RSRC1: variants seen among roughly 807,000 people sequenced by gnomAD.
RSRC1 encodes serine/Arginine-related protein 53.
RSRC1 carries 39 observed loss-of-function variants against 49.1 expected under a neutral mutation model. The observed-to-expected ratio is 0.79, with a 90% CI of 0.61 to 1.04. RSRC1 has a LOEUF of 1.04. Among genes scored for constraint, RSRC1 ranks in the 50% least tolerant of loss-of-function variants. The probability of loss-of-function intolerance (pLI) is 0.00; values close to 1 mark genes in which losing one functional copy is unlikely to be tolerated. For missense variants in RSRC1, 388 were observed against 402.4 expected, an observed-to-expected ratio of 0.96 and a Z score of 0.31; for synonymous variants, 143 against 130.8, an observed-to-expected ratio of 1.09 and a Z score of -0.63.
intron 3 of RSRC1, among the ~76,000 whole-genome samples, chr3:158,137,839 A>G (rs1310689745): frequency 6.6e-6 from 1 of 151,868 alleles, no homozygotes; most frequent in African/African-American, 2.4e-5. Context: ...TTTTTAGTAG[A>G]GACAGGGTTT....
intron 1 of RSRC1, 135 bp downstream of exon 1, chr3:158,110,358 G>C (rs113942276): frequency 0.013 from 1,959 of 152,636 alleles, 38 homozygotes; most frequent in African/African-American, 0.045. Context: ...TGCGGCCTCG[G>C]GGCGTGCGCA....
chr3:158,411,389 A>G (rs372762346), intron 6 of RSRC1, among the ~76,000 whole-genome samples: 7 of 152,250 alleles, frequency 4.6e-5, no homozygotes, highest in African/African-American at 1.7e-4. Context: ...TCCAAAGTGG[A>G]TATACGAATT....
At position 158,457,383 on chromosome 3, in the gene RSRC1, TG is replaced by T. The variant is rs770143395; in HGVS notation, c.584-3551del. Among the ~76,000 whole-genome samples the T allele has an allele frequency of 7.8e-4, 119 of 152,262 alleles. 1 individual carries two copies. The highest frequency in any genetic ancestry group is 4.3e-4 in the Non-Finnish European group (29 of 68,004). ...TCAATCTGAGAGATTAGTTGGCTGG[TG>T]AAAATAGGACATACTAAGGGAAGAG... is the stretch of plus-strand genomic sequence containing the variant. On this transcript the variant is annotated intron_variant, in intron 6 of 9. Coordinates refer to ENST00000611884, the MANE Select transcript of RSRC1 (RefSeq NM_001271838.2).
At chr3:158,265,804 C>T (rs1196667422) in intron 4 of RSRC1, among the ~76,000 whole-genome samples, 1 of 152,124 alleles carries the variant, frequency 6.6e-6, no homozygotes. Flanking sequence ...ACCTCAAGGT[C>T]ACGAAGATTT....
At chr3:158,491,987 G>A (rs1739103123) in intron 7 of RSRC1, among the ~76,000 whole-genome samples, 1 of 152,126 alleles carries the variant, frequency 6.6e-6, no homozygotes, top group Non-Finnish European at 1.5e-5. Context: ...CCTGAGACTA[G>A]GTAATTAATA....
At chr3:158,398,247 A>G (rs1410190526) in intron 6 of RSRC1, among the ~76,000 whole-genome samples, 1 of 152,100 alleles carries the variant, frequency 6.6e-6, no homozygotes, top group Non-Finnish European at 1.5e-5. Context: ...AGACTGGGTA[A>G]TTTCTAAAGA....
At chr3:158,425,167 A>G (rs1735337509) in intron 6 of RSRC1, among the ~76,000 whole-genome samples, 1 of 151,236 alleles carries the variant, frequency 6.6e-6, no homozygotes, top group African/African-American at 2.4e-5. Context: ...TTTAATTGTG[A>G]TGTTAGGGTG....
At chr3:158,127,402 G>A (rs4622858) in intron 3 of RSRC1, among the ~76,000 whole-genome samples, 107,957 of 151,646 alleles carry the variant, frequency 0.71, 39,134 homozygotes, top group African/African-American at 0.83. Flanking sequence ...CAATAATTTT[G>A]AATTGACCTT....
chr3:158,339,388 A>G (rs1730106007), intron 5 of RSRC1, among the ~76,000 whole-genome samples: 2 of 152,056 alleles, frequency 1.3e-5, no homozygotes, highest in South Asian at 4.1e-4. Context: ...GTTGTCTGGG[A>G]AAGATATGGC....
intron 7 of RSRC1, among the ~76,000 whole-genome samples, chr3:158,533,991 T>C (rs1286779188): frequency 6.6e-6 from 1 of 151,686 alleles, no homozygotes; most frequent in Non-Finnish European, 1.5e-5. Flanking sequence ...GTATAAAGCA[T>C]GTGGGACTAT....
intron 3 of RSRC1, among the ~76,000 whole-genome samples, chr3:158,177,344 T>A (rs1719286715): frequency 6.6e-6 from 1 of 152,206 alleles, no homozygotes; most frequent in South Asian, 2.1e-4. Context: ...CATGCACACA[T>A]ATGTTTATTC....
chr3:158,531,217 G>T (rs1392026877), intron 7 of RSRC1, among the ~76,000 whole-genome samples: 1 of 151,696 alleles, frequency 6.6e-6, no homozygotes, highest in African/African-American at 2.4e-5. Context: ...AAAGCCAAAT[G>T]AATTATGCAA....
At chr3:158,262,888 C>T (rs1724978639) in intron 4 of RSRC1, among the ~76,000 whole-genome samples, 1 of 151,956 alleles carries the variant, frequency 6.6e-6, no homozygotes, top group Non-Finnish European at 1.5e-5. Context: ...TTTGTGTGTT[C>T]ACCTTGTATC....
At chr3:158,198,586 G>A (rs890680094) in intron 3 of RSRC1, among the ~76,000 whole-genome samples, 2 of 152,162 alleles carry the variant, frequency 1.3e-5, no homozygotes, top group South Asian at 2.1e-4. Context: ...TCCTAGCCTC[G>A]ACGGTCTTTA....
chr3:158,455,642 A>G (rs1418669767), intron 6 of RSRC1, among the ~76,000 whole-genome samples: 1 of 152,090 alleles, frequency 6.6e-6, no homozygotes, highest in African/African-American at 2.4e-5. Context: ...TCCAAGTGAA[A>G]CAGCCATGGA....
At chr3:158,459,330 A>G (rs1737501057) in intron 6 of RSRC1, among the ~76,000 whole-genome samples, 2 of 152,156 alleles carry the variant, frequency 1.3e-5, no homozygotes, top group African/African-American at 2.4e-5. Context: ...AGGCTAGTTT[A>G]TTGAATTTAA....
At chr3:158,470,321 AACACACACACACAC>A (rs375305594) in intron 7 of RSRC1, among the ~76,000 whole-genome samples, 49 of 136,894 alleles carry the variant, frequency 3.6e-4, no homozygotes, top group South Asian at 1.9e-3. Flanking sequence ...TGCTCTTAGA[AACACACACACACAC>A]ACACACACAC....
intron 5 of RSRC1, among the ~76,000 whole-genome samples, chr3:158,306,228 A>C (rs753704846): frequency 1.3e-5 from 2 of 151,940 alleles, no homozygotes; most frequent in African/African-American, 2.4e-5. Flanking sequence ...GTTACCACTC[A>C]TCTCCTGTAT....
At chr3:158,190,889 T>C (rs1413511417) in intron 3 of RSRC1, among the ~76,000 whole-genome samples, 1 of 151,752 alleles carries the variant, frequency 6.6e-6, no homozygotes, top group African/African-American at 2.4e-5. Context: ...AATGACACTG[T>C]ATTGTTTAGC....
Sources: gnomAD v4.1 joint callset for allele counts (sites outside exome capture counted in the v4.1 genomes callset) on GRCh38, gnomAD v4.1.1 for gene constraint, MANE v1.5 for transcripts, NCBI Gene and HGNC (gene_info 2026-07-23, HGNC 2026-07-21) for gene names.